The following TPMT variants were observed in gnomAD, a reference collection of about 807,000 sequenced individuals.
TPMT encodes S-adenosyl-L-methionine:thiopurine S-methyltransferase.
In TPMT, 18 loss-of-function variants were observed where a neutral mutation model predicts 34.2. The observed-to-expected ratio is 0.53, with a 90% CI of 0.36 to 0.78. The LOEUF (loss-of-function observed/expected upper bound fraction) is 0.78. Ranked by LOEUF, TPMT falls within the 30% of genes least tolerant of loss-of-function variation. TPMT has a pLI of 0.00. For synonymous variants in TPMT, 69 were observed against 92.4 expected, an observed-to-expected ratio of 0.75 and a Z score of 1.45; for missense variants, 265 against 288.1, an observed-to-expected ratio of 0.92 and a Z score of 0.58.
chr6:18,146,276 T>G lies in TPMT; in HGVS notation c.233+1547A>C, dbSNP rs1255578308. Among the ~76,000 whole-genome samples, 1 of 152,074 alleles carries G rather than the reference T, an allele frequency of 6.6e-6. No individual in the cohort carries two copies. Among genetic ancestry groups the G allele is most frequent in the East Asian group, 1.9e-4 (1 of 5,184 alleles). ...CCTAGGCTGGAGTGCATGGGCTCAT[T>G]GCAACCTCCGCCTCCTGGATTCAAG... On this transcript the variant is annotated intron_variant, in intron 3 of 8. Coordinates refer to ENST00000309983, the MANE Select transcript of TPMT (RefSeq NM_000367.5). This position sits in a 1 kb window ranked among gnomAD's most constrained non-coding sequence, Gnocchi z 6.2.
rs187200191 is a variant in TPMT at position 18,143,257 on chromosome 6, G to T, written c.366+339C>A. On this transcript the variant is annotated intron_variant, in intron 4 of 8. Transcript: ENST00000309983. This position sits in a 1 kb window ranked among gnomAD's most constrained non-coding sequence, Gnocchi z 6.1. Reference sequence around the variant, plus strand: ...GAGATTCTTTAGGGGTGGGAGTGAGGGGGGTGTGCTGTGTTATCTTTATCT... The same window carrying T: ...GAGATTCTTTAGGGGTGGGAGTGAGTGGGGTGTGCTGTGTTATCTTTATCT... Among the ~76,000 whole-genome samples, 2 of 152,238 alleles carry T rather than the reference G, an allele frequency of 1.3e-5. No individual in the cohort carries two copies. The highest frequency in any genetic ancestry group is 4.8e-5 in the African/African-American group (2 of 41,536).
In TPMT at chr6:18,139,416, T is replaced by G. The variant is rs11965116; in HGVS notation, c.419+249A>C. On this transcript the variant is annotated intron_variant, in intron 5 of 8. Coordinates refer to ENST00000309983, the MANE Select transcript of TPMT (RefSeq NM_000367.5). This position sits in a 1 kb window ranked among gnomAD's most constrained non-coding sequence, Gnocchi z 4.2. ...GGCCCAGGTGCAAGGTAGAAGACAC[T>G]GTCTTACTCACCTTTCTTTTTCCCT... Among the ~76,000 whole-genome samples the G allele has an allele frequency of 9.2e-3, 1,407 of 152,340 alleles. 21 individuals are homozygous for G. Among genetic ancestry groups the G allele is most frequent in the African/African-American group, 0.032 (1,347 of 41,584 alleles).
At chr6:18,137,862 T>C (rs964655842) in intron 6 of TPMT, among the ~76,000 whole-genome samples, 1 of 152,226 alleles carries the variant, frequency 6.6e-6, no homozygotes, top group Non-Finnish European at 1.5e-5. Flanking sequence ...CTTGGCTCAC[T>C]GCAACCTCTG....
intron 4 of TPMT, among the ~76,000 whole-genome samples, chr6:18,141,324 C>G (rs939646858): frequency 3.3e-5 from 5 of 151,330 alleles, no homozygotes; most frequent in African/African-American, 1.2e-4. Context: ...AAGCTTCCTA[C>G]TGATCTGAGC....
intron 4 of TPMT, among the ~76,000 whole-genome samples, chr6:18,142,132 C>T (rs1784153805): frequency 3.3e-5 from 5 of 152,118 alleles, no homozygotes; most frequent in Admixed American, 2.6e-4. Flanking sequence ...CGCTTCTACA[C>T]CTGGCAGGTT....
At chr6:18,137,267 A>T (rs1784059103) in intron 6 of TPMT, among the ~76,000 whole-genome samples, 1 of 152,020 alleles carries the variant, frequency 6.6e-6, no homozygotes, top group African/African-American at 2.4e-5. Flanking sequence ...CCTCCCAAGT[A>T]GCTGGGGCTA....
In TPMT at chr6:18,138,607, GACCAGTAAGTATT is replaced by G. The variant is rs1475333206; in HGVS notation, c.494+343_494+355del. ...TGAACAATACCTGGAATAGGCAAGT[GACCAGTAAGTATT>G]ACCTGGTAATATTAGTGGAGGTGGT... On this transcript the variant is annotated intron_variant, in intron 6 of 8. Transcript: ENST00000309983. The surrounding 1 kb of genome is among the most constrained non-coding windows in gnomAD (Gnocchi z 4.1). Among the ~76,000 whole-genome samples the G allele has an allele frequency of 6.6e-6, 1 of 152,148 alleles. No homozygotes were observed. Among genetic ancestry groups the G allele is most frequent in the African/African-American group, 2.4e-5 (1 of 41,432 alleles).
rs1784311005 is a variant in TPMT at position 18,149,459 on chromosome 6, C to T, written c.-44-288G>A. ...GTGTGCACCATCATGCCCAGCTAAT[C>T]TTTCTTTCCTTGTTTTTTTTTTTTT... On this transcript the variant is annotated intron_variant, in intron 1 of 8. Coordinates refer to ENST00000309983, the MANE Select transcript of TPMT (RefSeq NM_000367.5). This position sits in a 1 kb window ranked among gnomAD's most constrained non-coding sequence, Gnocchi z 5.0. Among the ~76,000 whole-genome samples the T allele has an allele frequency of 6.6e-6, 1 of 150,740 alleles. No individual in the cohort carries two copies. The highest frequency in any genetic ancestry group is 6.6e-5 in the Admixed American group (1 of 15,068).
intron 7 of TPMT, among the ~76,000 whole-genome samples, chr6:18,133,168 A>G (rs1002011457): frequency 6.6e-6 from 1 of 152,226 alleles, no homozygotes. Flanking sequence ...TAAAAAGCTC[A>G]GTTGAAAATC....
chr6:18,139,610 C>T lies in TPMT; in HGVS notation c.419+55G>A, dbSNP rs1561888797. The T allele has an allele frequency of 7.0e-7, 1 of 1,428,174 alleles. No individual in the cohort carries two copies. Among genetic ancestry groups the T allele is most frequent in the Non-Finnish European group, 9.9e-7 (1 of 1,011,832 alleles). 88.5% of individuals were successfully genotyped at this position (1,428,174 alleles called of 1,614,324 possible). On this transcript the variant is annotated intron_variant, in intron 5 of 8. Coordinates refer to ENST00000309983, the MANE Select transcript of TPMT (RefSeq NM_000367.5). This position sits in a 1 kb window ranked among gnomAD's most constrained non-coding sequence, Gnocchi z 4.2. ...GAAGACACCTCCACTCCCATGCCTGCACTGCCTGGCAAGCATTCAAATTTT... is the reference window on the plus strand; with the variant it reads ...GAAGACACCTCCACTCCCATGCCTGTACTGCCTGGCAAGCATTCAAATTTT...
chr6:18,131,889 T>A lies in TPMT; in HGVS notation c.625+244A>T, dbSNP rs1374963439. ...GCCTCCCAGGTTCAAGCAATTCCCA[T>A]GCCTCAGCCTCTCAAATAGTTGGGA... On this transcript the variant is annotated intron_variant, in intron 8 of 8. Coordinates refer to ENST00000309983, the MANE Select transcript of TPMT (RefSeq NM_000367.5). This position sits in a 1 kb window ranked among gnomAD's most constrained non-coding sequence, Gnocchi z 4.3. 1.3e-5 allele frequency among the ~76,000 whole-genome samples: 2 copies of A among 152,146 alleles called. No individual in the cohort carries two copies. The highest frequency in any genetic ancestry group is 4.8e-5 in the African/African-American group (2 of 41,438).
At chr6:18,142,909 C>G (rs1784170745) in intron 4 of TPMT, among the ~76,000 whole-genome samples, 1 of 152,034 alleles carries the variant, frequency 6.6e-6, no homozygotes, top group Non-Finnish European at 1.5e-5. Context: ...CTCTCTATGC[C>G]CCATCACTCT....
rs1282942137 is a variant in TPMT, at chr6:18,149,614, C to T, written c.-44-443G>A. Among the ~76,000 whole-genome samples, 1 of 152,092 alleles carries T rather than the reference C, an allele frequency of 6.6e-6. No individual in the cohort carries two copies. Among genetic ancestry groups the T allele is most frequent in the African/African-American group, 2.4e-5 (1 of 41,402 alleles). ...CTGGGACTTCAGGTACACACCACCA[C>T]ACCTGGTTAATTTTTGTATATATAT... On this transcript the variant is annotated intron_variant, in intron 1 of 8. Transcript: ENST00000309983. The surrounding 1 kb of genome is among the most constrained non-coding windows in gnomAD (Gnocchi z 5.0).
chr6:18,140,743 G>A lies in TPMT; in HGVS notation c.367-1026C>T, dbSNP rs1347111169. On this transcript the variant is annotated intron_variant, in intron 4 of 8. Transcript: ENST00000309983. This position sits in a 1 kb window ranked among gnomAD's most constrained non-coding sequence, Gnocchi z 4.7. ...TAAACAACAACAACAAAAATCAAGA[G>A]AATAAAACAAAAAAAGAGGTGACTT... 6.6e-6 allele frequency among the ~76,000 whole-genome samples: 1 copy of A among 151,890 alleles called. No individual in the cohort carries two copies. The highest frequency in any genetic ancestry group is 1.5e-5 in the Non-Finnish European group (1 of 67,950).
rs9367980 is a variant in TPMT, at chr6:18,131,233, C to G, written c.626-453G>C. 6.6e-6 allele frequency among the ~76,000 whole-genome samples: 1 copy of G among 152,006 alleles called. No homozygotes were observed. The highest frequency in any genetic ancestry group is 6.5e-5 in the Admixed American group (1 of 15,278). On this transcript the variant is annotated intron_variant, in intron 8 of 8. Transcript: ENST00000309983. This position sits in a 1 kb window ranked among gnomAD's most constrained non-coding sequence, Gnocchi z 4.3. ...AATCAAAACAGAGGAATGCTAAGGG[C>G]AAATTTCCTGAACTCTGAATTGTTA...
rs541434653 is a variant in TPMT, at chr6:18,153,513, A to G, written c.-45+1520T>C. Among the ~76,000 whole-genome samples the G allele has an allele frequency of 2.0e-5, 3 of 152,366 alleles. No homozygotes were observed. Among genetic ancestry groups the G allele is most frequent in the Non-Finnish European group, 2.9e-5 (2 of 68,036 alleles). On this transcript the variant is annotated intron_variant, in intron 1 of 8. Coordinates refer to ENST00000309983, the MANE Select transcript of TPMT (RefSeq NM_000367.5). This position sits in a 1 kb window ranked among gnomAD's most constrained non-coding sequence, Gnocchi z 4.2. ...AACATTGCATAAAAGCATGTATTTC[A>G]GGCAAATTTCCCCTTTTGTTGCCAA...
chr6:18,148,885 G>GT lies in TPMT; in HGVS notation c.140+102dup. 6.5e-7 allele frequency: 1 copy of GT among 1,536,428 alleles called. No homozygotes were observed. Among genetic ancestry groups the GT allele is most frequent in the Non-Finnish European group, 9.0e-7 (1 of 1,115,966 alleles). On this transcript the variant is annotated intron_variant, in intron 2 of 8. Transcript: ENST00000309983. The surrounding 1 kb of genome is among the most constrained non-coding windows in gnomAD (Gnocchi z 4.1). Reference sequence around the variant, plus strand: ...GACACAAAAATGTGAAGAATTAAATGTGCATCCTAAAAGTTAGTCAAATAA... The same window carrying GT: ...GACACAAAAATGTGAAGAATTAAATGTTGCATCCTAAAAGTTAGTCAAATAA...
rs964157652 is a variant in TPMT, at chr6:18,136,598, C to T, written c.494+2365G>A. On this transcript the variant is annotated intron_variant, in intron 6 of 8. Coordinates refer to ENST00000309983, the MANE Select transcript of TPMT (RefSeq NM_000367.5). This position sits in a 1 kb window ranked among gnomAD's most constrained non-coding sequence, Gnocchi z 4.7. The stretch of plus-strand genomic sequence containing the variant: ...CGAGGCGGGTGGATCAGCTGGGGTC[C>T]GGAGTTCGAGACCAGCCTGACCAAC... Among the ~76,000 whole-genome samples, 6 of 152,156 alleles carry T rather than the reference C, an allele frequency of 3.9e-5. No individual in the cohort carries two copies. Among genetic ancestry groups the T allele is most frequent in the African/African-American group, 9.6e-5 (4 of 41,520 alleles).
intron 6 of TPMT, among the ~76,000 whole-genome samples, chr6:18,134,171 C>T (rs1240336547): frequency 6.6e-6 from 1 of 152,162 alleles, no homozygotes; most frequent in African/African-American, 2.4e-5. Flanking sequence ...TGGGTAGAGA[C>T]TCCTTCTGGC....
Sources: allele counts gnomAD v4.1 joint callset (sites outside exome capture counted in the v4.1 genomes callset), GRCh38; gene constraint gnomAD v4.1.1; non-coding constraint Gnocchi (gnomAD v3.1); transcripts MANE v1.5; gene names NCBI Gene and HGNC (gene_info 2026-07-23, HGNC 2026-07-21).